KLF8: variants seen among roughly 807,000 people sequenced by gnomAD.
KLF8 encodes the protein KLF transcription factor 8.
Under a neutral mutation model 18.2 loss-of-function variants are expected in KLF8, and 10 were observed. That is an observed-to-expected ratio of 0.55 (90% CI 0.34 to 0.93). The LOEUF (loss-of-function observed/expected upper bound fraction) is 0.93. Among genes scored for constraint, KLF8 ranks in the 40% least tolerant of loss-of-function variants. The pLI, the probability that KLF8 is intolerant of heterozygous loss-of-function variation, is 0.02. For missense variants in KLF8, 264 were observed against 277.9 expected (o/e 0.95, Z 0.36); for synonymous variants, 109 against 97.3 (o/e 1.12, Z -0.71).
At chrX:56,032,800 G>T in the KLF8 span, among the ~76,000 whole-genome samples, 1 of 111,925 alleles carries the variant, frequency 8.9e-6, no homozygotes, top group Admixed American at 9.5e-5. Context: ...TTTGCAGACA[G>T]ATTTTCCTGT....
At chrX:56,152,722 C>T in the KLF8 span, among the ~76,000 whole-genome samples, 7 of 111,573 alleles carry the variant, frequency 6.3e-5, no homozygotes, top group East Asian at 2.8e-4. Flanking sequence ...CAACCTAAAG[C>T]GGAGTCTTTA....
At chrX:56,144,884 C>A in the KLF8 span, among the ~76,000 whole-genome samples, 1,923 of 108,062 alleles carry the variant, frequency 0.018, 46 homozygotes, top group African/African-American at 0.062. Flanking sequence ...CCTCTGCCTC[C>A]CGGGATCAAG....
At chrX:56,014,525 G>C in the KLF8 span, among the ~76,000 whole-genome samples, 1 of 112,330 alleles carries the variant, frequency 8.9e-6, no homozygotes, top group South Asian at 3.7e-4. Flanking sequence ...TTACACTGTT[G>C]GTGGGAATGT....
At chrX:56,051,061 G>T in the KLF8 span, among the ~76,000 whole-genome samples, 5 of 109,991 alleles carry the variant, frequency 4.5e-5, no homozygotes, top group South Asian at 4.0e-4. Flanking sequence ...TTGGTTTAAA[G>T]TCTGTTTTAT....
chrX:56,035,982 A>G, the KLF8 span, among the ~76,000 whole-genome samples: 1 of 112,127 alleles, frequency 8.9e-6, no homozygotes, highest in Non-Finnish European at 1.9e-5. Flanking sequence ...GTTTGATATA[A>G]TACTATTTTT....
the KLF8 span, among the ~76,000 whole-genome samples, chrX:55,996,403 A>G: frequency 9.6e-3 from 1,072 of 111,941 alleles, 38 homozygotes; most frequent in Admixed American, 0.081. Context: ...ATTGCTTAGG[A>G]GCTAGTGTGG....
the KLF8 span, among the ~76,000 whole-genome samples, chrX:55,962,694 G>C: frequency 8.9e-6 from 1 of 112,419 alleles, no homozygotes; most frequent in Non-Finnish European, 1.9e-5. Context: ...CTGGAACATT[G>C]TGGCTCTAAA....
At chrX:55,974,406 A>G in the KLF8 span, among the ~76,000 whole-genome samples, 1 of 111,965 alleles carries the variant, frequency 8.9e-6, no homozygotes, top group Admixed American at 9.5e-5. Flanking sequence ...ATTTTATTAT[A>G]TATGTCAAGC....
chrX:56,161,586 A>G, the KLF8 span, among the ~76,000 whole-genome samples: 2 of 111,873 alleles, frequency 1.8e-5, no homozygotes, highest in Non-Finnish European at 3.8e-5. Context: ...TGCATTCGTC[A>G]CGTACTTCTT....
the KLF8 span, among the ~76,000 whole-genome samples, chrX:56,191,985 A>G: frequency 1.8e-5 from 2 of 111,563 alleles, no homozygotes; most frequent in African/African-American, 6.5e-5. Context: ...AAGCAATCAG[A>G]CAAGAGAAGG....
chrX:56,170,513 CA>C, the KLF8 span, among the ~76,000 whole-genome samples: 4 of 109,451 alleles, frequency 3.7e-5, no homozygotes, highest in Non-Finnish European at 5.7e-5. Flanking sequence ...AAGAATCAAG[CA>C]GAAGTTCTGG....
the KLF8 span, among the ~76,000 whole-genome samples, chrX:56,106,729 C>G: frequency 8.9e-6 from 1 of 112,221 alleles, no homozygotes; most frequent in Non-Finnish European, 1.9e-5. Context: ...TCATCAAAGT[C>G]GTTCTCTGTC....
the KLF8 span, among the ~76,000 whole-genome samples, chrX:56,045,809 A>T: frequency 8.1e-5 from 9 of 110,740 alleles, no homozygotes; most frequent in Non-Finnish European, 1.7e-4. Context: ...TTTTTGGATG[A>T]GTCTTTAGGG....
At chrX:56,065,524 TC>T in the KLF8 span, among the ~76,000 whole-genome samples, 603 of 112,067 alleles carry the variant, frequency 5.4e-3, 1 homozygote, top group Non-Finnish European at 8.2e-3. Context: ...AATACCATTT[TC>T]AATTCTTTTT....
the KLF8 span, chrX:55,961,428 C>A: frequency 1.9e-6 from 1 of 534,239 alleles, no homozygotes; most frequent in East Asian, 3.5e-5. Context: ...GAAAGCCTTA[C>A]ATGCTGCTTA....
the KLF8 span, among the ~76,000 whole-genome samples, chrX:56,022,546 C>G: frequency 3.4e-5 from 2 of 58,261 alleles, no homozygotes; most frequent in Non-Finnish European, 4.9e-5. Context: ...GAGACTCTGT[C>G]TGACCAAAAA....
chrX:56,057,223 G>C, the KLF8 span, among the ~76,000 whole-genome samples: 1 of 111,674 alleles, frequency 9.0e-6, no homozygotes, highest in African/African-American at 3.3e-5. Context: ...GCTCAGGGTG[G>C]AGGAGAATTC....
At chrX:56,243,286 G>A in intron 1 of KLF8, 4 of 402,972 alleles carry the variant, frequency 9.9e-6, no homozygotes, top group Non-Finnish European at 1.8e-5. Context: ...GGGGTGTGTG[G>A]ATCTTCTTTT....
the KLF8 span, among the ~76,000 whole-genome samples, chrX:56,040,642 G>A: frequency 1.4e-4 from 15 of 109,058 alleles, no homozygotes; most frequent in South Asian, 4.0e-4. Context: ...GAGAATATTT[G>A]CATCAATGTT....
Sources: allele counts gnomAD v4.1 joint callset (sites outside exome capture counted in the v4.1 genomes callset), GRCh38; gene constraint gnomAD v4.1.1; transcripts MANE v1.5; gene names NCBI Gene and HGNC (gene_info 2026-07-23, HGNC 2026-07-21).